Variants in GKAP1 observed in about 807,000 individuals in gnomAD.
GKAP1 encodes the protein G kinase-anchoring protein 1.
Under a neutral mutation model 56.7 loss-of-function variants are expected in GKAP1, and 31 were observed. The observed-to-expected ratio is 0.55, with a 90% CI of 0.41 to 0.74. The LOEUF (loss-of-function observed/expected upper bound fraction) is 0.74. Ranked by LOEUF, GKAP1 falls within the 30% of genes least tolerant of loss-of-function variation. The pLI is 0.00. For synonymous variants in GKAP1, 151 were observed against 138.6 expected, an observed-to-expected ratio of 1.09 and a Z score of -0.63; for missense variants, 364 against 402.3, an observed-to-expected ratio of 0.90 and a Z score of 0.82.
chr9:83,807,149 G>A (rs533773230), intron 2 of GKAP1, among the ~76,000 whole-genome samples: 1 of 152,318 alleles, frequency 6.6e-6, no homozygotes, highest in South Asian at 2.1e-4. Flanking sequence ...TAGTTTCCAT[G>A]CAAGCATAGG....
At chr9:83,784,368 G>A (rs1008438544) in intron 6 of GKAP1, among the ~76,000 whole-genome samples, 14 of 152,160 alleles carry the variant, frequency 9.2e-5, no homozygotes, top group Admixed American at 8.5e-4. Context: ...ACCCTCACAG[G>A]TGGGATTGGT....
chr9:83,798,613 C>T (rs1240163744), intron 4 of GKAP1, among the ~76,000 whole-genome samples: 1 of 152,128 alleles, frequency 6.6e-6, no homozygotes, highest in African/African-American at 2.4e-5. Context: ...ACCTCCTGAG[C>T]TCTGATCTTC....
intron 7 of GKAP1, among the ~76,000 whole-genome samples, chr9:83,775,678 C>G (rs1203480554): frequency 6.6e-6 from 1 of 151,578 alleles, no homozygotes; most frequent in Non-Finnish European, 1.5e-5. Flanking sequence ...GAGTTTGAGA[C>G]CAGCCTGAGC....
At chr9:83,791,389 C>T (rs183847503) in intron 4 of GKAP1, among the ~76,000 whole-genome samples, 17 of 145,504 alleles carry the variant, frequency 1.2e-4, no homozygotes, top group Non-Finnish European at 1.7e-4. Context: ...GGCGACAGAG[C>T]GAGACTCCGT....
rs538241957 is a variant in GKAP1 at position 83,768,924 on chromosome 9, T to G, written c.632A>C (p.Asn211Thr). ...TTTATGAACATCATCTTCCAGTCTATTGAAGAATCCTCCATCATGTGATAA... is the reference window on the plus strand; with the variant it reads ...TTTATGAACATCATCTTCCAGTCTAGTGAAGAATCCTCCATCATGTGATAA... ...QTLSHDGGFF[N>T]RLEDDVHKIL... Residue 211 changes from asparagine (N) to threonine (T), a missense_variant, in exon 8 of 13, where the codon AAT (asparagine) becomes ACT (threonine). Asn to Thr is a moderately conservative substitution (Grantham distance 65). Coordinates refer to ENST00000376371, the MANE Select transcript of GKAP1 (RefSeq NM_025211.4). 4 of 1,611,378 alleles carry G rather than the reference T, an allele frequency of 2.5e-6. No homozygotes were observed. In the South Asian group the frequency reaches 4.4e-5, roughly 18 times the overall value.
intron 3 of GKAP1, among the ~76,000 whole-genome samples, chr9:83,800,090 G>A (rs1944306885): frequency 6.6e-6 from 1 of 151,980 alleles, no homozygotes; most frequent in Admixed American, 6.6e-5. Flanking sequence ...AAAAATACAG[G>A]GCCTAGTCCA....
chr9:83,773,724 C>T (rs1943802701), intron 7 of GKAP1, among the ~76,000 whole-genome samples: 1 of 152,036 alleles, frequency 6.6e-6, no homozygotes, highest in African/African-American at 2.4e-5. Flanking sequence ...AATATAATTT[C>T]ATTTTGTTTG....
Position 83,779,610 on chromosome 9 carries a change from T to TACACAC in GKAP1, c.585+771_585+772insGTGTGT, listed in dbSNP as rs536500445. 9.3e-4 allele frequency among the ~76,000 whole-genome samples: 78 copies of TACACAC among 84,234 alleles called. 1 individual carries two copies. Among genetic ancestry groups the TACACAC allele is most frequent in the South Asian group, 6.1e-3 (17 of 2,792 alleles). 55.3% of individuals were successfully genotyped at this position (84,234 alleles called of 152,430 possible). A position where few individuals can be genotyped will look rare whatever the true frequency, so the allele number is the denominator to read the frequency against. On this transcript the variant is annotated intron_variant, in intron 7 of 12. Coordinates refer to ENST00000376371, the MANE Select transcript of GKAP1 (RefSeq NM_025211.4). ...ACGTATATGTGTATATATATACACA[T>TACACAC]ATACACACACACACACACACACACA...
intron 8 of GKAP1, among the ~76,000 whole-genome samples, chr9:83,755,383 A>G (rs568610846): frequency 4.6e-5 from 7 of 152,336 alleles, no homozygotes; most frequent in African/African-American, 1.7e-4. Flanking sequence ...TTCTGGAAGA[A>G]CATACACCAA....
intron 9 of GKAP1, among the ~76,000 whole-genome samples, chr9:83,750,485 C>T (rs1156736057): frequency 6.6e-6 from 1 of 152,176 alleles, no homozygotes; most frequent in African/African-American, 2.4e-5. Flanking sequence ...TTTTAGCAGA[C>T]TGTCTTCACT....
intron 7 of GKAP1, among the ~76,000 whole-genome samples, chr9:83,769,842 T>C (rs1943726678): frequency 6.6e-6 from 1 of 152,214 alleles, no homozygotes; most frequent in South Asian, 2.1e-4. Flanking sequence ...GTCAAGTGGG[T>C]TGCAATTTCT....
At chr9:83,771,810 A>G (rs987134225) in intron 7 of GKAP1, among the ~76,000 whole-genome samples, 1 of 152,244 alleles carries the variant, frequency 6.6e-6, no homozygotes, top group Non-Finnish European at 1.5e-5. Context: ...GCTTCTGTGG[A>G]AAGAATAACA....
chr9:83,783,579 C>G (rs555180514), intron 6 of GKAP1, among the ~76,000 whole-genome samples: 1 of 152,266 alleles, frequency 6.6e-6, no homozygotes, highest in Admixed American at 6.5e-5. Flanking sequence ...TCTGTCTTCT[C>G]CATTTGATAA....
rs1037842197 is a variant in GKAP1, at chr9:83,815,370, C to T, written c.-44+1626G>A. Reference sequence around the variant, plus strand: ...CAAGCAATCCTCCAGCCTCGGCCTCCCAAAGGGCTGGGATTACAGGCATGC... The same window carrying T: ...CAAGCAATCCTCCAGCCTCGGCCTCTCAAAGGGCTGGGATTACAGGCATGC... On this transcript the variant is annotated intron_variant, in intron 2 of 12. Coordinates refer to ENST00000376371, the MANE Select transcript of GKAP1 (RefSeq NM_025211.4). Among the ~76,000 whole-genome samples, 51 of 151,644 alleles carry T rather than the reference C, an allele frequency of 3.4e-4. 1 individual carries two copies. Among genetic ancestry groups the T allele is most frequent in the South Asian group, 6.3e-4 (3 of 4,776 alleles).
chr9:83,779,503 A>T, intron 7 of GKAP1, among the ~76,000 whole-genome samples: 1 of 137,288 alleles, frequency 7.3e-6, no homozygotes, highest in South Asian at 2.3e-4. Context: ...ACATATACAC[A>T]TATATGTGTA....
intron 7 of GKAP1, among the ~76,000 whole-genome samples, chr9:83,778,005 G>A (rs1019773774): frequency 2.0e-5 from 3 of 151,950 alleles, no homozygotes; most frequent in African/African-American, 4.8e-5. Flanking sequence ...GTATCAAAAG[G>A]TACACCAGTC....
intron 10 of GKAP1, among the ~76,000 whole-genome samples, chr9:83,745,210 T>TA (rs1256544608): frequency 6.6e-6 from 1 of 152,040 alleles, no homozygotes; most frequent in Admixed American, 6.6e-5. Flanking sequence ...TTTGTACATA[T>TA]AATTTTTGAG....
rs1047971962 is a variant in GKAP1 at position 83,792,123 on chromosome 9, G to C, written c.361-3445C>G. ...TTGAACAAGTTATATTAACTCCTGTGAATCTCAGAACATTTAAAAAGGACA... is the reference window on the plus strand; with the variant it reads ...TTGAACAAGTTATATTAACTCCTGTCAATCTCAGAACATTTAAAAAGGACA... On this transcript the variant is annotated intron_variant, in intron 4 of 12. Transcript: ENST00000376371. Among the ~76,000 whole-genome samples the C allele has an allele frequency of 3.3e-5, 5 of 152,294 alleles. 1 individual carries two copies. The Middle Eastern group carries it at 0.01, about 311-fold the overall frequency.
chr9:83,773,981 CTAT>C (rs971659880), intron 7 of GKAP1, among the ~76,000 whole-genome samples: 35 of 152,072 alleles, frequency 2.3e-4, no homozygotes, highest in African/African-American at 7.2e-4. Context: ...TTTATTATTA[CTAT>C]TATTATTTTG....
Sources: gnomAD v4.1 joint callset for allele counts (sites outside exome capture counted in the v4.1 genomes callset) on GRCh38, gnomAD v4.1.1 for gene constraint, MANE v1.5 for transcripts, NCBI Gene and HGNC (gene_info 2026-07-23, HGNC 2026-07-21) for gene names.